Variants in NEK5 observed in about 807,000 individuals in gnomAD.
NEK5 encodes the protein serine/threonine-protein kinase Nek5.
A neutral mutation model predicts 109.2 loss-of-function variants in NEK5; 88 were observed. The observed-to-expected ratio is 0.81, with a 90% CI of 0.68 to 0.96. The LOEUF is 0.96. NEK5 is among the 40% of genes least tolerant of loss of function. NEK5 has a pLI of 0.00. For synonymous variants in NEK5, 283 were observed against 299.9 expected (o/e 0.94, Z 0.58); for missense variants, 834 against 920.7 (o/e 0.91, Z 1.22).
Position 52,039,251 on chromosome 13 carries a change from G to A in NEK5, c.2229-2033C>T, listed in dbSNP as rs1428825250. Among the ~76,000 whole-genome samples, 5 of 152,154 alleles carry A rather than the reference G, an allele frequency of 3.3e-5. No individual in the cohort carries two copies. In the East Asian group the frequency reaches 9.6e-4, roughly 29 times the overall value. ...GCACAGTCACACGATGAGTGTGTGT[G>A]GATGGGAGTGAGCTGAGGGATGAGG... On this transcript the variant is annotated intron_variant, in intron 23 of 23. Transcript: ENST00000684899.
At chr13:52,112,610 T>C (rs1432320838) in intron 4 of NEK5, among the ~76,000 whole-genome samples, 3 of 152,252 alleles carry the variant, frequency 2.0e-5, no homozygotes, top group South Asian at 4.1e-4. Context: ...CCATGTCAGA[T>C]GCTTAGAATA....
At chr13:52,088,807 C>T (rs1442208942) in intron 14 of NEK5, among the ~76,000 whole-genome samples, 5 of 151,004 alleles carry the variant, frequency 3.3e-5, no homozygotes, top group Admixed American at 6.6e-5. Context: ...ACTGGGGACT[C>T]GGGCCAGGTG....
rs1366664362 is a variant in NEK5 at position 52,099,839 on chromosome 13, G to A, written c.930C>T (p.Cys310=). The A allele has an allele frequency of 1.2e-6, 2 of 1,613,330 alleles. No individual in the cohort carries two copies. Among genetic ancestry groups the A allele is most frequent in the Admixed American group, 3.3e-5 (2 of 59,996 alleles). Residue 310 remains cysteine (C), a synonymous_variant, in exon 12 of 24, where the codon TGC becomes TGT. Coordinates refer to ENST00000684899, the MANE Select transcript of NEK5 (RefSeq NM_001365552.1). ...KIQKVRFQGK[C]PPRSRISVPI... ...GCACAGATATCCTTGATCTTGGTGG[G>A]CACTTTCCCTGGAATCTCACTTTTT...
intron 3 of NEK5, among the ~76,000 whole-genome samples, chr13:52,120,677 A>G (rs9535871): frequency 0.54 from 82,196 of 151,596 alleles, 23,901 homozygotes; most frequent in Non-Finnish European, 0.65. Flanking sequence ...TTGGGAAGCC[A>G]AGGCAGGCAG....
chr13:52,109,719 C>T (rs1301653384), intron 7 of NEK5, among the ~76,000 whole-genome samples: 1 of 152,128 alleles, frequency 6.6e-6, no homozygotes, highest in African/African-American at 2.4e-5. Context: ...CCAGACACTC[C>T]CTTCCACTAA....
chr13:52,097,818 A>T (rs779904872), intron 12 of NEK5, among the ~76,000 whole-genome samples: 1 of 152,114 alleles, frequency 6.6e-6, no homozygotes, highest in Non-Finnish European at 1.5e-5. Context: ...CCAAAGGTGG[A>T]ATGATATGGT....
Position 52,071,997 on chromosome 13 carries a change from T to A in NEK5, c.1796A>T (p.Glu599Val). ...TGCTTTGTCTGTATAATCTCCATGCTCCTTTACACATTCATATTCCTTAAA... is the reference window on the plus strand; with the variant it reads ...TGCTTTGTCTGTATAATCTCCATGCACCTTTACACATTCATATTCCTTAAA... ...MKFKEYECVK[E>V]HGDYTDKAFE... The change falls in exon 20 of 24, where the codon GAG (glutamate) becomes GTG (valine). Residue 599 changes from glutamate (E) to valine (V), a missense_variant. This residue lies in a region of NEK5 where 777 missense variants were observed against 824.7 expected (regional missense o/e 0.94). Transcript: ENST00000684899. 6.2e-7 allele frequency: 1 copy of A among 1,610,666 alleles called. No individual in the cohort carries two copies. Among genetic ancestry groups the A allele is most frequent in the Non-Finnish European group, 8.5e-7 (1 of 1,176,840 alleles).
intron 9 of NEK5, among the ~76,000 whole-genome samples, chr13:52,104,148 C>T (rs1437193299): frequency 6.6e-6 from 1 of 151,846 alleles, no homozygotes; most frequent in Non-Finnish European, 1.5e-5. Flanking sequence ...TTAGTAGAGA[C>T]GGGGTGTCAC....
intron 23 of NEK5, among the ~76,000 whole-genome samples, chr13:52,038,738 T>C (rs1185235409): frequency 2.7e-5 from 4 of 150,902 alleles, no homozygotes; most frequent in Non-Finnish European, 1.5e-5. Context: ...TGCAGGAGGA[T>C]TGCTTGAGCC....
chr13:52,090,129 C>T (rs530427418), intron 13 of NEK5, among the ~76,000 whole-genome samples: 5 of 152,260 alleles, frequency 3.3e-5, no homozygotes, highest in Admixed American at 2.6e-4. Flanking sequence ...AGCTGTCTCT[C>T]CAAATGTTTA....
chr13:52,067,688 T>C (rs1264624506), intron 20 of NEK5, among the ~76,000 whole-genome samples: 1 of 150,238 alleles, frequency 6.7e-6, no homozygotes, highest in Non-Finnish European at 1.5e-5. Flanking sequence ...TTTTTTTTTT[T>C]TTTTTTTGAG....
chr13:52,049,879 A>G (rs542371734), intron 23 of NEK5, among the ~76,000 whole-genome samples: 1 of 152,296 alleles, frequency 6.6e-6, no homozygotes, highest in Non-Finnish European at 1.5e-5. Flanking sequence ...CCCACCAGGT[A>G]TCAGGAGGTA....
chr13:52,064,299 C>G (rs1430475482), intron 21 of NEK5, among the ~76,000 whole-genome samples: 1 of 139,108 alleles, frequency 7.2e-6, no homozygotes, highest in Non-Finnish European at 1.6e-5. Flanking sequence ...GCCGCCCCTA[C>G]TGGGAAGTGA....
chr13:52,099,210 A>ATT (rs78199529), intron 12 of NEK5, among the ~76,000 whole-genome samples: 1 of 150,918 alleles, frequency 6.6e-6, no homozygotes, highest in Non-Finnish European at 1.5e-5. Context: ...ACCCACAAAA[A>ATT]TTTTTTTTTT....
At chr13:52,049,874 C>G (rs1954489408) in intron 23 of NEK5, among the ~76,000 whole-genome samples, 1 of 152,098 alleles carries the variant, frequency 6.6e-6, no homozygotes, top group South Asian at 2.1e-4. Flanking sequence ...CTGGCCCCAC[C>G]AGGTATCAGG....
chr13:52,087,841 G>A (rs1387849281), intron 14 of NEK5, among the ~76,000 whole-genome samples: 1 of 151,730 alleles, frequency 6.6e-6, no homozygotes, highest in South Asian at 2.1e-4. Context: ...TAGCCAGGAT[G>A]GTCTCAATCT....
At chr13:52,042,222 C>A (rs535554989) in intron 23 of NEK5, among the ~76,000 whole-genome samples, 1 of 151,724 alleles carries the variant, frequency 6.6e-6, no homozygotes, top group South Asian at 2.1e-4. Flanking sequence ...TTACTACTCA[C>A]TGACATATCA....
At chr13:52,042,771 T>C (rs1456087695) in intron 23 of NEK5, among the ~76,000 whole-genome samples, 4 of 152,006 alleles carry the variant, frequency 2.6e-5, no homozygotes, top group Non-Finnish European at 5.9e-5. Context: ...AGCTAACCAT[T>C]AAAAGATTAG....
intron 23 of NEK5, among the ~76,000 whole-genome samples, chr13:52,039,968 TA>T (rs1954399220): frequency 6.6e-6 from 1 of 151,802 alleles, no homozygotes; most frequent in Non-Finnish European, 1.5e-5. Flanking sequence ...AGTGCCCTTA[TA>T]AAAGAAGCCC....
Sources: gnomAD v4.1 joint callset for allele counts (sites outside exome capture counted in the v4.1 genomes callset) on GRCh38, gnomAD v4.1.1 for gene constraint, gnomAD v4.1.1 regional missense constraint, MANE v1.5 for transcripts, NCBI Gene and HGNC (gene_info 2026-07-23, HGNC 2026-07-21) for gene names.